The following STK32B variants were observed in gnomAD, a reference collection of about 807,000 sequenced individuals.
The protein encoded by STK32B is serine/threonine-protein kinase 32B.
In STK32B, 43 loss-of-function variants were observed where a neutral mutation model predicts 52.6. The ratio of observed to expected loss-of-function variants is 0.82; its 90% CI spans 0.64 to 1.05. The LOEUF is 1.05. STK32B is among the 50% of genes least tolerant of loss of function. The pLI is 0.00. For missense variants in STK32B, 621 were observed against 534.6 expected (o/e 1.16, Z -1.59); for synonymous variants, 238 against 204.3 (o/e 1.17, Z -1.41).
In STK32B at chr4:5,402,801, GA is replaced by G. The variant is rs1292515785; in HGVS notation, c.472+4558del. Among the ~76,000 whole-genome samples, 3 of 152,338 alleles carry G rather than the reference GA, an allele frequency of 2.0e-5. No homozygotes were observed. The East Asian group carries it at 5.8e-4, about 29-fold the overall frequency. ...ACCCGTTGGGGTCAAGGCCAGGACAGAGCAAGCATGGGGCTGTGGGGCAGCA... is the reference window on the plus strand; with the variant it reads ...ACCCGTTGGGGTCAAGGCCAGGACAGGCAAGCATGGGGCTGTGGGGCAGCA... On this transcript the variant is annotated intron_variant, in intron 5 of 11. Coordinates refer to ENST00000282908, the MANE Select transcript of STK32B (RefSeq NM_018401.3).
At chr4:5,339,157 A>G (rs1343574799) in intron 4 of STK32B, among the ~76,000 whole-genome samples, 3 of 152,144 alleles carry the variant, frequency 2.0e-5, no homozygotes, top group Non-Finnish European at 4.4e-5. Context: ...AACGGCCTCC[A>G]ATTTCTCAGG....
chr4:5,066,740 C>G (rs1285122948), intron 1 of STK32B, among the ~76,000 whole-genome samples: 1 of 152,182 alleles, frequency 6.6e-6, no homozygotes, highest in Non-Finnish European at 1.5e-5. Flanking sequence ...CACAGCCATT[C>G]TTTCAGTTTT....
chr4:5,134,403 C>T (rs6856163), intron 1 of STK32B, among the ~76,000 whole-genome samples: 125,795 of 152,126 alleles, frequency 0.83, 52,343 homozygotes, highest in Non-Finnish European at 0.88. Flanking sequence ...CCCTCTTGCT[C>T]CTTTGTTATC....
chr4:5,024,560 G>T, the STK32B span, among the ~76,000 whole-genome samples: 1 of 152,202 alleles, frequency 6.6e-6, no homozygotes, highest in Non-Finnish European at 1.5e-5. Flanking sequence ...GTCCTGAGAA[G>T]TAGGGTCTCC....
In STK32B at chr4:5,496,551, G is replaced by GCTTCTGCTCGCGCACGGTGCGCTT. The variant is rs1301550163; in HGVS notation, c.1107-2393_1107-2392insTTCTGCTCGCGCACGGTGCGCTTC. On this transcript the variant is annotated intron_variant, in intron 11 of 11. Transcript: ENST00000282908. ...CCCGAGTGAGGCAATGCCTTGCCCT[G>GCTTCTGCTCGCGCACGGTGCGCTT]CACCCACTGTCCTGTGCCCACTGTC... Among the ~76,000 whole-genome samples the GCTTCTGCTCGCGCACGGTGCGCTT allele has an allele frequency of 6.8e-5, 10 of 148,000 alleles. 1 individual carries two copies. Among genetic ancestry groups the GCTTCTGCTCGCGCACGGTGCGCTT allele is most frequent in the African/African-American group, 2.7e-4 (10 of 37,640 alleles).
chr4:5,023,001 A>G, the STK32B span, among the ~76,000 whole-genome samples: 3 of 150,108 alleles, frequency 2.0e-5, no homozygotes, highest in South Asian at 2.1e-4. Flanking sequence ...GTATGAAGGC[A>G]TGTGTGTGTG....
chr4:5,264,122 T>C (rs1293914988), intron 3 of STK32B, among the ~76,000 whole-genome samples: 1 of 152,226 alleles, frequency 6.6e-6, no homozygotes, highest in Non-Finnish European at 1.5e-5. Context: ...GCTGTGAACA[T>C]TCCTGTGTAC....
chr4:5,154,438 C>T (rs1436510910), intron 2 of STK32B, among the ~76,000 whole-genome samples: 3 of 152,156 alleles, frequency 2.0e-5, no homozygotes, highest in African/African-American at 7.2e-5. Context: ...TGGTCTTGAA[C>T]TCCTGACCTC....
chr4:5,170,996 A>G (rs1383777758), intron 3 of STK32B, among the ~76,000 whole-genome samples: 3 of 152,158 alleles, frequency 2.0e-5, no homozygotes, highest in Admixed American at 6.5e-5. Context: ...AATGATCTCC[A>G]TTCTAACTGG....
At chr4:5,416,729 T>A (rs1712194287) in intron 5 of STK32B, 116 bp from the exon 6 acceptor site, 1 of 736,146 alleles carries the variant, frequency 1.4e-6, no homozygotes, top group African/African-American at 1.8e-5. Flanking sequence ...ACGATAGTAT[T>A]ATAAATAGAA....
chr4:5,300,469 A>T (rs559473894), intron 3 of STK32B, among the ~76,000 whole-genome samples: 1 of 152,264 alleles, frequency 6.6e-6, no homozygotes, highest in African/African-American at 2.4e-5. Flanking sequence ...ATGCATCCAA[A>T]TAGAAAAAGA....
intron 1 of STK32B, among the ~76,000 whole-genome samples, chr4:5,133,451 A>G (rs1489077288): frequency 4.6e-5 from 7 of 152,020 alleles, no homozygotes; most frequent in Admixed American, 2.6e-4. Context: ...CCATACTCCC[A>G]CTACTCAATG....
intron 3 of STK32B, among the ~76,000 whole-genome samples, chr4:5,262,518 G>C (rs771861057): frequency 6.6e-6 from 1 of 151,698 alleles, no homozygotes; most frequent in Non-Finnish European, 1.5e-5. Flanking sequence ...CCAGCTACTC[G>C]GGAGGCTGCG....
intron 1 of STK32B, among the ~76,000 whole-genome samples, chr4:5,087,783 C>G (rs2108780465): frequency 6.6e-6 from 1 of 150,848 alleles, no homozygotes; most frequent in East Asian, 1.9e-4. Flanking sequence ...ATAATATAGC[C>G]CCAAGACGTA....
At chr4:5,124,293 A>G (rs1191520765) in intron 1 of STK32B, among the ~76,000 whole-genome samples, 1 of 152,150 alleles carries the variant, frequency 6.6e-6, no homozygotes, top group African/African-American at 2.4e-5. Flanking sequence ...GCTGAGAGCT[A>G]TGTGCTTTCT....
chr4:5,020,718 C>G, the STK32B span, among the ~76,000 whole-genome samples: 1 of 140,690 alleles, frequency 7.1e-6, no homozygotes, highest in African/African-American at 2.6e-5. Context: ...GATCAGGCAA[C>G]AAGCAAGAAG....
intron 7 of STK32B, among the ~76,000 whole-genome samples, chr4:5,454,285 A>T (rs541438735): frequency 6.6e-6 from 1 of 152,252 alleles, no homozygotes; most frequent in South Asian, 2.1e-4. Context: ...TGGGTGGCTT[A>T]AACAGAAATT....
At chr4:5,455,256 C>T (rs973198899) in intron 7 of STK32B, among the ~76,000 whole-genome samples, 5 of 152,344 alleles carry the variant, frequency 3.3e-5, no homozygotes, top group Admixed American at 2.0e-4. Flanking sequence ...TGCAGCAGCC[C>T]TGTGGGAATT....
chr4:5,482,673 A>G (rs989987165), intron 11 of STK32B, among the ~76,000 whole-genome samples: 19 of 152,194 alleles, frequency 1.2e-4, no homozygotes, highest in African/African-American at 4.1e-4. Context: ...CCAGTTTTCA[A>G]AGGGAATGCT....
Sources: gnomAD v4.1 joint callset for allele counts (sites outside exome capture counted in the v4.1 genomes callset) on GRCh38, gnomAD v4.1.1 for gene constraint, MANE v1.5 for transcripts, NCBI Gene and HGNC (gene_info 2026-07-23, HGNC 2026-07-21) for gene names.